NBEA: variants seen among roughly 807,000 people sequenced by gnomAD.
NBEA encodes the protein lysosomal-trafficking regulator 2.
A neutral mutation model predicts 343.4 loss-of-function variants in NBEA; 44 were observed. The observed-to-expected ratio is 0.13, with a 90% CI of 0.10 to 0.16. The LOEUF (loss-of-function observed/expected upper bound fraction) is 0.16. Ranked by LOEUF, NBEA falls within the 10% of genes least tolerant of loss-of-function variation. The probability of loss-of-function intolerance (pLI) is 1.00; values close to 1 mark genes in which losing one functional copy is unlikely to be tolerated. For synonymous variants in NBEA, 1,175 were observed against 1,238.7 expected (o/e 0.95, Z 1.08); for missense variants, 2,555 against 3,631.3 (o/e 0.70, Z 7.62).
chr13:35,424,794 T>C (rs1419416526), intron 38 of NBEA, among the ~76,000 whole-genome samples: 1 of 152,188 alleles, frequency 6.6e-6, no homozygotes, highest in African/African-American at 2.4e-5. Context: ...TTTTTTTTCG[T>C]TGGTAAGCTA....
At chr13:35,583,348 A>G (rs2081142387) in intron 45 of NBEA, among the ~76,000 whole-genome samples, 1 of 152,174 alleles carries the variant, frequency 6.6e-6, no homozygotes, top group African/African-American at 2.4e-5. Flanking sequence ...TTATTCCATC[A>G]CCCTTAGGTG....
rs1324391150 is a variant in NBEA at position 35,501,297 on chromosome 13, C to T, written c.6585+28761C>T. On this transcript the variant is annotated intron_variant, in intron 41 of 58. Coordinates refer to ENST00000379939, the MANE Select transcript of NBEA (RefSeq NM_001385012.1). ...CACATTTTTACTGCTTACCCTTTTT[C>T]ATCAGAGCAACGTGTGGAAAATACC... Among the ~76,000 whole-genome samples the T allele has an allele frequency of 2.6e-5, 4 of 152,200 alleles. No homozygotes were observed. In the East Asian group the frequency reaches 7.7e-4, roughly 29 times the overall value.
intron 41 of NBEA, among the ~76,000 whole-genome samples, chr13:35,518,064 A>C (rs909576669): frequency 6.6e-6 from 1 of 152,134 alleles, no homozygotes; most frequent in African/African-American, 2.4e-5. Context: ...ATTTATTATC[A>C]TAATAGTTAC....
At chr13:34,988,251 C>T (rs561899896) in intron 1 of NBEA, among the ~76,000 whole-genome samples, 21 of 151,004 alleles carry the variant, frequency 1.4e-4, no homozygotes, top group African/African-American at 4.1e-4. Flanking sequence ...TTAGGCTACA[C>T]GGGGGTCAGG....
rs919523417 is a variant in NBEA at position 35,309,504 on chromosome 13, G to A, written c.5839-24G>A. The A allele has an allele frequency of 5.3e-6, 8 of 1,499,472 alleles. No individual in the cohort carries two copies. In the African/African-American group the frequency reaches 6.9e-5, roughly 13 times the overall value. The allele number at this position is 1,499,472 out of a possible 1,614,324, so 92.9% of individuals were successfully genotyped here. ...TTCATTAAGTGTTCACTTTTCTCAC[G>A]TTTGTTTTGGTTTCTCCTTTTAGGA... On this transcript the variant is annotated intron_variant, in intron 35 of 58. Coordinates refer to ENST00000379939, the MANE Select transcript of NBEA (RefSeq NM_001385012.1).
chr13:35,248,738 T>C (rs2031562848), intron 34 of NBEA, among the ~76,000 whole-genome samples: 1 of 152,190 alleles, frequency 6.6e-6, no homozygotes, highest in South Asian at 2.1e-4. Context: ...AATATCCACA[T>C]GTAAAGGAAT....
At chr13:35,035,359 T>C (rs2062399670) in intron 1 of NBEA, among the ~76,000 whole-genome samples, 1 of 151,944 alleles carries the variant, frequency 6.6e-6, no homozygotes, top group South Asian at 2.1e-4. Context: ...TTTTATTCCG[T>C]TGTTGTCAGA....
chr13:35,614,829 A>G (rs7320800), intron 48 of NBEA, among the ~76,000 whole-genome samples: 34,085 of 151,940 alleles, frequency 0.22, 4,008 homozygotes, highest in Non-Finnish European at 0.24. Context: ...ACTGCTGACA[A>G]CTGCTGCAAA....
At chr13:34,947,049 C>T (rs1392677316) in intron 1 of NBEA, among the ~76,000 whole-genome samples, 1 of 151,744 alleles carries the variant, frequency 6.6e-6, no homozygotes, top group Non-Finnish European at 1.5e-5. Context: ...ACTAATAAAA[C>T]CACATTTATA....
intron 33 of NBEA, among the ~76,000 whole-genome samples, chr13:35,219,553 A>T (rs1174208264): frequency 6.6e-6 from 1 of 152,168 alleles, no homozygotes; most frequent in Non-Finnish European, 1.5e-5. Flanking sequence ...ATATACATGC[A>T]TATACACATG....
intron 1 of NBEA, among the ~76,000 whole-genome samples, chr13:34,990,003 G>T (rs1372399010): frequency 6.6e-6 from 1 of 151,202 alleles, no homozygotes; most frequent in African/African-American, 2.4e-5. Flanking sequence ...TTGACTCCAT[G>T]TCTCACATGC....
chr13:35,197,969 A>G (rs1309765425), intron 31 of NBEA, among the ~76,000 whole-genome samples: 2 of 152,198 alleles, frequency 1.3e-5, no homozygotes, highest in African/African-American at 4.8e-5. Context: ...GAATTTAGAG[A>G]GTAGTAAGAA....
chr13:35,161,265 T>C (rs1373602969), intron 22 of NBEA, among the ~76,000 whole-genome samples: 2 of 152,224 alleles, frequency 1.3e-5, no homozygotes, highest in African/African-American at 2.4e-5. Flanking sequence ...TTCTAACTTA[T>C]CAAATGCATT....
chr13:35,551,272 A>G (rs932148017), intron 43 of NBEA, among the ~76,000 whole-genome samples: 3 of 152,218 alleles, frequency 2.0e-5, no homozygotes, highest in Non-Finnish European at 4.4e-5. Flanking sequence ...TTGATTGCTT[A>G]TCACATAGCT....
At chr13:35,475,480 C>T (rs1353877572) in intron 41 of NBEA, 1 of 1,612,552 alleles carries the variant, frequency 6.2e-7, no homozygotes, top group Admixed American at 1.7e-5. Flanking sequence ...GCTCTGCTTG[C>T]CGGCCAAGGA....
At chr13:35,486,151 C>T (rs574386886) in intron 41 of NBEA, among the ~76,000 whole-genome samples, 2 of 152,164 alleles carry the variant, frequency 1.3e-5, no homozygotes, top group Admixed American at 6.5e-5. Context: ...TATATTATGT[C>T]ATTAAAACTT....
At chr13:35,047,691 G>A (rs1400783372) in intron 4 of NBEA, among the ~76,000 whole-genome samples, 3 of 151,684 alleles carry the variant, frequency 2.0e-5, no homozygotes, top group Non-Finnish European at 3.0e-5. Context: ...GCCATAGCAC[G>A]TGGGAAGTCC....
At chr13:35,476,407 C>G in intron 41 of NBEA, 1 of 1,017,006 alleles carries the variant, frequency 9.8e-7, no homozygotes, top group East Asian at 2.6e-5. Context: ...GAAAGACTGT[C>G]CTCCCCCCTC....
rs2045969799 is a variant in NBEA, at chr13:35,445,778, A to G, written c.6305-6314A>G. 9.6e-5 allele frequency among the ~76,000 whole-genome samples: 10 copies of G among 104,312 alleles called. 1 individual carries two copies. In the South Asian group the frequency reaches 3.4e-3, roughly 35 times the overall value. 68.4% of individuals were successfully genotyped at this position (104,312 alleles called of 152,430 possible). Reference sequence around the variant, plus strand: ...ATGATGACTTAATTCTAAGATATAAATGTTTATATATATATATATATATAT... The same window carrying G: ...ATGATGACTTAATTCTAAGATATAAGTGTTTATATATATATATATATATAT... On this transcript the variant is annotated intron_variant, in intron 39 of 58. Transcript: ENST00000379939.
Sources: gnomAD v4.1 joint callset for allele counts (sites outside exome capture counted in the v4.1 genomes callset) on GRCh38, gnomAD v4.1.1 for gene constraint, MANE v1.5 for transcripts, NCBI Gene and HGNC (gene_info 2026-07-23, HGNC 2026-07-21) for gene names.